CCDC50: variants seen among roughly 807,000 people sequenced by gnomAD.
The protein encoded by CCDC50 is coiled-coil domain containing 50.
CCDC50 carries 54 observed loss-of-function variants against 70.2 expected under a neutral mutation model. The observed-to-expected ratio is 0.77, with a 90% CI of 0.62 to 0.96. The LOEUF is 0.96. Among genes scored for constraint, CCDC50 ranks in the 50% least tolerant of loss-of-function variants. The probability of loss-of-function intolerance (pLI) is 0.00; values close to 1 mark genes in which losing one functional copy is unlikely to be tolerated. For missense variants in CCDC50, 558 were observed against 578.7 expected (o/e 0.96, Z 0.37); for synonymous variants, 216 against 198.8 (o/e 1.09, Z -0.73).
At chr3:191,338,103 A>G (rs963343512) in intron 1 of CCDC50, among the ~76,000 whole-genome samples, 9 of 152,132 alleles carry the variant, frequency 5.9e-5, no homozygotes, top group African/African-American at 2.2e-4. Flanking sequence ...AGGAGTTTTA[A>G]CTGCATATAG....
At chr3:191,346,480 G>A (rs1334624685) in intron 1 of CCDC50, among the ~76,000 whole-genome samples, 2 of 152,174 alleles carry the variant, frequency 1.3e-5, no homozygotes, top group Non-Finnish European at 2.9e-5. Flanking sequence ...GGAGGCATAA[G>A]ATCAGCCCTA....
chr3:191,367,612 G>A (rs964825765), intron 4 of CCDC50, among the ~76,000 whole-genome samples: 1 of 151,950 alleles, frequency 6.6e-6, no homozygotes, highest in Non-Finnish European at 1.5e-5. Context: ...CAATCTTAAA[G>A]CCAAATGTCT....
rs1019413647 is a variant in CCDC50 at position 191,396,314 on chromosome 3, A to G, written c.*4554A>G. 7 of 152,164 alleles carry G rather than the reference A, an allele frequency of 4.6e-5. No individual in the cohort carries two copies. Among genetic ancestry groups the G allele is most frequent in the Admixed American group, 4.6e-4 (7 of 15,262 alleles). 9.4% of individuals were successfully genotyped at this position (152,164 alleles called of 1,614,324 possible). A position where few individuals can be genotyped will look rare whatever the true frequency, so the allele number is the denominator to read the frequency against. On this transcript the variant is annotated 3_prime_UTR_variant, in exon 12 of 12. Transcript: ENST00000392455. ...TTCCATTGAGATATAACATTCACAG[A>G]TGATCCCCAAGTATCCTTGTCATCA...
chr3:191,340,498 G>A (rs1156608675), intron 1 of CCDC50, among the ~76,000 whole-genome samples: 1 of 152,184 alleles, frequency 6.6e-6, no homozygotes, highest in Non-Finnish European at 1.5e-5. Context: ...ATGTTGGTTA[G>A]ATTTTGGCTG....
rs141816862 is a variant in CCDC50, at chr3:191,370,303, T to C, written c.448+267T>C. ...TATAGATACATGTGCCATGTTGGTG[T>C]GCTGCACCCATTAACTCGTCATTTA... is the stretch of plus-strand genomic sequence containing the variant. On this transcript the variant is annotated intron_variant, in intron 5 of 11. Coordinates refer to ENST00000392455, the MANE Select transcript of CCDC50 (RefSeq NM_178335.3). 7.2e-3 allele frequency: 2,600 copies of C among 362,936 alleles called. 74 individuals are homozygous for C. Among genetic ancestry groups the C allele is most frequent in the African/African-American group, 0.051 (2,415 of 47,012 alleles). 22.5% of individuals were successfully genotyped at this position (362,936 alleles called of 1,614,324 possible).
intron 11 of CCDC50, 90 bp from the exon 12 acceptor site, chr3:191,391,651 A>C (rs1412275999): frequency 9.0e-7 from 1 of 1,106,666 alleles, no homozygotes; most frequent in Non-Finnish European, 1.4e-6. Flanking sequence ...GTATAGAAAT[A>C]AAGTTATTTT....
At chr3:191,383,468 G>A (rs1426295226) in intron 10 of CCDC50, among the ~76,000 whole-genome samples, 2 of 151,152 alleles carry the variant, frequency 1.3e-5, no homozygotes, top group East Asian at 3.9e-4. Context: ...AAACATGATT[G>A]GAATGTGAAG....
At chr3:191,373,681 C>A (rs895121576) in intron 5 of CCDC50, among the ~76,000 whole-genome samples, 2 of 151,148 alleles carry the variant, frequency 1.3e-5, no homozygotes, top group Non-Finnish European at 3.0e-5. Flanking sequence ...TTTTTATCAC[C>A]GGGTAATTCT....
In CCDC50 at chr3:191,361,120, T is replaced by A; in HGVS notation, c.291T>A (p.Ile97=). The change falls in exon 4 of 12, where the codon ATT becomes ATA. Residue 97 remains isoleucine (I), a synonymous_variant. Coordinates refer to ENST00000392455, the MANE Select transcript of CCDC50 (RefSeq NM_178335.3). The stretch of plus-strand genomic sequence containing the variant: ...AGGAAATTCAGGAGAAGCTGGCTAT[T>A]GAGGCAGAGAGACGACGCATTCAGG... ...IAQEIQEKLA[I]EAERRRIQEK... 6.2e-7 allele frequency: 1 copy of A among 1,613,798 alleles called. No individual in the cohort carries two copies. Among genetic ancestry groups the A allele is most frequent in the East Asian group, 2.2e-5 (1 of 44,852 alleles).
intron 6 of CCDC50, 108 bp downstream of exon 6, chr3:191,375,697 C>A: frequency 8.5e-7 from 1 of 1,170,132 alleles, no homozygotes; most frequent in Non-Finnish European, 1.2e-6. Context: ...AGTTCATGCT[C>A]ATGACTTTGA....
chr3:191,334,753 AT>A (rs1718088929), intron 1 of CCDC50, among the ~76,000 whole-genome samples: 1 of 151,908 alleles, frequency 6.6e-6, no homozygotes, highest in African/African-American at 2.4e-5. Context: ...CGAAAGATTC[AT>A]TTCTGATGTG....
intron 6 of CCDC50, among the ~76,000 whole-genome samples, chr3:191,377,445 A>G (rs1234005450): frequency 6.6e-6 from 1 of 152,154 alleles, no homozygotes; most frequent in Non-Finnish European, 1.5e-5. Flanking sequence ...ATTAAGTATA[A>G]GATAACTTTC....
At chr3:191,382,695 G>C in intron 9 of CCDC50, 51 bp from the exon 10 acceptor site, 1 of 1,144,358 alleles carries the variant, frequency 8.7e-7, no homozygotes, top group South Asian at 1.2e-5. Flanking sequence ...GATGATTCTG[G>C]ATTGTATGTG....
chr3:191,366,742 C>T (rs1254362215), intron 4 of CCDC50, among the ~76,000 whole-genome samples: 1 of 151,646 alleles, frequency 6.6e-6, no homozygotes. Context: ...ATGCTGCATG[C>T]TTTCTATTGA....
intron 10 of CCDC50, among the ~76,000 whole-genome samples, chr3:191,387,816 T>C (rs1448283503): frequency 2.0e-5 from 3 of 152,170 alleles, no homozygotes; most frequent in Non-Finnish European, 4.4e-5. Flanking sequence ...CCACTCAACG[T>C]CTGTCTTTCT....
Position 191,375,553 on chromosome 3 carries a change from T to C in CCDC50, c.940T>C (p.Ser314Pro), listed in dbSNP as rs1478374148. Residue 314 changes from serine to proline, a missense_variant, in exon 6 of 12, where the codon TCA becomes CCA. Transcript: ENST00000392455. ...ACACAGGCCCAGGACTCCTCCATTC[T>C]CAGAGAGTGAGGAGCAGCTCCACCT... ...RRHRPRTPPF[S>P]ESEEQLHLHD... 1 of 1,613,198 alleles carries C rather than the reference T, an allele frequency of 6.2e-7. No homozygotes were observed. The highest frequency in any genetic ancestry group is 1.7e-5 in the Admixed American group (1 of 59,876).
chr3:191,382,358 C>T (rs1713347780), intron 9 of CCDC50, among the ~76,000 whole-genome samples: 1 of 152,042 alleles, frequency 6.6e-6, no homozygotes, highest in Admixed American at 6.5e-5. Flanking sequence ...ACCTGGATTC[C>T]GTAGACTCTG....
intron 3 of CCDC50, among the ~76,000 whole-genome samples, chr3:191,360,815 G>C (rs887009983): frequency 6.6e-6 from 1 of 152,130 alleles, no homozygotes; most frequent in Non-Finnish European, 1.5e-5. Context: ...CCATTGTTGG[G>C]TGTGATGATC....
Position 191,391,726 on chromosome 3 carries a change from TC to T in CCDC50, c.1430-14del, listed in dbSNP as rs779186984. 3.1e-6 allele frequency: 5 copies of T among 1,612,552 alleles called. No homozygotes were observed. Among genetic ancestry groups the T allele is most frequent in the Non-Finnish European group, 3.4e-6 (4 of 1,179,058 alleles). ...TTTTCCTTAATTGTGTTTCCTTTTT[TC>T]TTCCCCTCCCCAGGTTTTCATTACA... is the stretch of plus-strand genomic sequence containing the variant. On this transcript the variant is annotated splice_polypyrimidine_tract_variant and intron_variant, in intron 11 of 11. Coordinates refer to ENST00000392455, the MANE Select transcript of CCDC50 (RefSeq NM_178335.3).
Sources: gnomAD v4.1 joint callset for allele counts (sites outside exome capture counted in the v4.1 genomes callset) on GRCh38, gnomAD v4.1.1 for gene constraint, MANE v1.5 for transcripts, NCBI Gene and HGNC (gene_info 2026-07-23, HGNC 2026-07-21) for gene names.